TRPM6: variants seen among roughly 807,000 people sequenced by gnomAD.
TRPM6 encodes transient receptor potential cation channel subfamily M member 6.
Under a neutral mutation model 247.6 loss-of-function variants are expected in TRPM6, and 111 were observed. The ratio of observed to expected loss-of-function variants is 0.45; its 90% confidence interval spans 0.38 to 0.52. The LOEUF is 0.52. TRPM6 is among the 20% of genes least tolerant of loss of function. The probability of loss-of-function intolerance (pLI) is 0.00; values close to 1 mark genes in which losing one functional copy is unlikely to be tolerated. For synonymous variants in TRPM6, 892 were observed against 853.8 expected, an observed-to-expected ratio of 1.04 and a Z score of -0.78; for missense variants, 2,126 against 2,421.5, an observed-to-expected ratio of 0.88 and a Z score of 2.56.
chr9:74,799,909 T>A, intron 17 of TRPM6: 1 of 342,376 alleles, frequency 2.9e-6, no homozygotes, highest in Non-Finnish European at 5.6e-6. Flanking sequence ...GTGAGGGCGA[T>A]CTGGCTGTGA....
In TRPM6 at chr9:74,861,624, TA is replaced by T. The variant is rs1349871463; in HGVS notation, c.34-2877del. Among the ~76,000 whole-genome samples, 3 of 152,286 alleles carry T rather than the reference TA, an allele frequency of 2.0e-5. No homozygotes were observed. The East Asian group carries it at 5.8e-4, about 29-fold the overall frequency. On this transcript the variant is annotated intron_variant, in intron 1 of 38. Transcript: ENST00000360774. Reference sequence around the variant, plus strand: ...TGTTTGTCTATCAAAATGGGGATAATAATAGTACCTCATAGAACTATTGAAA... The same window carrying T: ...TGTTTGTCTATCAAAATGGGGATAATATAGTACCTCATAGAACTATTGAAA...
At chr9:74,852,130 T>A (rs1205251252) in intron 3 of TRPM6, among the ~76,000 whole-genome samples, 1 of 151,940 alleles carries the variant, frequency 6.6e-6, no homozygotes, top group East Asian at 1.9e-4. Context: ...AGCAAGACCT[T>A]GCTTTTAAAA....
chr9:74,809,941 T>G (rs1828665620), intron 13 of TRPM6, among the ~76,000 whole-genome samples: 2 of 127,262 alleles, frequency 1.6e-5, no homozygotes, highest in Admixed American at 1.0e-4. Flanking sequence ...ATCCCATCAT[T>G]GCACTCCAGC....
chr9:74,766,506 C>T (rs1028085870), intron 25 of TRPM6, among the ~76,000 whole-genome samples: 7 of 152,206 alleles, frequency 4.6e-5, no homozygotes, highest in Non-Finnish European at 8.8e-5. Flanking sequence ...ACCATATTCA[C>T]TGAGTGCTCA....
intron 3 of TRPM6, among the ~76,000 whole-genome samples, chr9:74,848,851 C>G (rs540103310): frequency 6.6e-5 from 10 of 152,002 alleles, no homozygotes; most frequent in Non-Finnish European, 1.3e-4. Flanking sequence ...CAAATACATA[C>G]AGTGAGAAGA....
chr9:74,784,254 CTCCA>C (rs1827566660), intron 21 of TRPM6, among the ~76,000 whole-genome samples: 1 of 144,984 alleles, frequency 6.9e-6, no homozygotes, highest in Admixed American at 6.9e-5. Flanking sequence ...CAGAGCAAGA[CTCCA>C]TCTCAGAAAA....
intron 36 of TRPM6, among the ~76,000 whole-genome samples, chr9:74,734,766 A>G (rs1375095607): frequency 6.6e-6 from 1 of 152,172 alleles, no homozygotes; most frequent in Non-Finnish European, 1.5e-5. Flanking sequence ...CTAAAGTGCT[A>G]TGCTCCCTAA....
Position 74,853,486 on chromosome 9 carries a change from T to A in TRPM6, c.152+2041A>T, listed in dbSNP as rs185455056. Among the ~76,000 whole-genome samples the A allele has an allele frequency of 4.4e-3, 669 of 152,324 alleles. 1 individual carries two copies. Among genetic ancestry groups the A allele is most frequent in the African/African-American group, 0.015 (617 of 41,578 alleles). On this transcript the variant is annotated intron_variant, in intron 3 of 38. Coordinates refer to ENST00000360774, the MANE Select transcript of TRPM6 (RefSeq NM_017662.5). ...GTGTCTGTGCGGAAATAAGTAGACA[T>A]AGGAGACTCCATTTTGTTCTGTACT...
At chr9:74,755,603 G>T in intron 27 of TRPM6, 130 bp from the exon 28 acceptor site, 1 of 1,174,594 alleles carries the variant, frequency 8.5e-7, no homozygotes, top group Non-Finnish European at 1.3e-6. Flanking sequence ...TGCCTGGGAA[G>T]TGCTGACAAA....
At chr9:74,818,534 G>C (rs6560411) in intron 9 of TRPM6, among the ~76,000 whole-genome samples, 102,409 of 151,774 alleles carry the variant, frequency 0.67, 35,524 homozygotes, top group African/African-American at 0.84. Context: ...AACTCCTGAT[G>C]TCAGGTGATC....
At chr9:74,742,912 C>T (rs772671497) in intron 32 of TRPM6, among the ~76,000 whole-genome samples, 1 of 152,176 alleles carries the variant, frequency 6.6e-6, no homozygotes, top group Non-Finnish European at 1.5e-5. Flanking sequence ...CTAATCCATA[C>T]ATATGTGGAA....
intron 3 of TRPM6, among the ~76,000 whole-genome samples, chr9:74,853,333 C>T (rs1289325500): frequency 1.3e-5 from 2 of 152,034 alleles, no homozygotes; most frequent in African/African-American, 2.4e-5. Flanking sequence ...CGCCTCTGCC[C>T]GGCTGCCACC....
Position 74,792,687 on chromosome 9 carries a change from A to G in TRPM6, c.2475T>C (p.Leu825=). Reference sequence around the variant, plus strand: ...ACTCATAGACTTTCCTGGTCCACGGAAGGTGTTGGTGCCCACTTTCCAAAC... The same window carrying G: ...ACTCATAGACTTTCCTGGTCCACGGGAGGTGTTGGTGCCCACTTTCCAAAC... The part of the protein sequence containing the change: ...HFGLESGHQH[L]PWTRKVYEFY... The change falls in exon 19 of 39, where the codon CTT becomes CTC. Residue 825 remains leucine, a synonymous_variant. Transcript: ENST00000360774. 1 of 1,614,124 alleles carries G rather than the reference A, an allele frequency of 6.2e-7. No individual in the cohort carries two copies. Among genetic ancestry groups the G allele is most frequent in the Non-Finnish European group, 8.5e-7 (1 of 1,179,998 alleles).
At chr9:74,831,915 A>G (rs1038330642) in intron 6 of TRPM6, among the ~76,000 whole-genome samples, 4 of 152,262 alleles carry the variant, frequency 2.6e-5, no homozygotes, top group Non-Finnish European at 5.9e-5. Flanking sequence ...TTTAAGTATT[A>G]GAGTGTTAAG....
At chr9:74,752,401 C>A (rs764680097) in intron 28 of TRPM6, 33 bp from the exon 29 acceptor site, 1 of 1,204,350 alleles carries the variant, frequency 8.3e-7, no homozygotes, top group Non-Finnish European at 1.2e-6. Flanking sequence ...TTAGAAAATA[C>A]ATGAAAATGT....
intron 23 of TRPM6, among the ~76,000 whole-genome samples, chr9:74,779,463 C>CT (rs961737585): frequency 2.6e-4 from 40 of 151,728 alleles, no homozygotes; most frequent in East Asian, 1.4e-3. Context: ...ACAGCAGTCA[C>CT]TTTTTTTTTA....
At chr9:74,861,268 C>G (rs971385309) in intron 1 of TRPM6, among the ~76,000 whole-genome samples, 1 of 152,190 alleles carries the variant, frequency 6.6e-6, no homozygotes, top group Non-Finnish European at 1.5e-5. Flanking sequence ...AATAGGCCCC[C>G]ACGCTGCATG....
At chr9:74,742,817 A>G (rs1825905984) in intron 32 of TRPM6, among the ~76,000 whole-genome samples, 191 bp from the exon 33 acceptor site, 1 of 152,196 alleles carries the variant, frequency 6.6e-6, no homozygotes, top group African/African-American at 2.4e-5. Context: ...AGAAATCCCA[A>G]TTTTAGAGGC....
chr9:74,885,078 G>A (rs1469423077), intron 1 of TRPM6, among the ~76,000 whole-genome samples: 3 of 152,154 alleles, frequency 2.0e-5, no homozygotes, highest in Admixed American at 2.0e-4. Context: ...GGAAGATTTA[G>A]ACAACTAACA....
Sources: gnomAD v4.1 joint callset for allele counts (sites outside exome capture counted in the v4.1 genomes callset) on GRCh38, gnomAD v4.1.1 for gene constraint, MANE v1.5 for transcripts, NCBI Gene and HGNC (gene_info 2026-07-23, HGNC 2026-07-21) for gene names.